TMX4: variants seen among roughly 807,000 people sequenced by gnomAD.
TMX4 encodes the protein thioredoxin related transmembrane protein 4.
A neutral mutation model predicts 33.3 loss-of-function variants in TMX4; 23 were observed. The observed-to-expected ratio is 0.69, with a 90% CI of 0.50 to 0.98. The LOEUF (loss-of-function observed/expected upper bound fraction) is 0.98. Ranked by LOEUF, TMX4 falls within the 50% of genes least tolerant of loss-of-function variation. The probability of loss-of-function intolerance (pLI) is 0.00; values close to 1 mark genes in which losing one functional copy is unlikely to be tolerated. For missense variants in TMX4, 399 were observed against 448.9 expected (o/e 0.89, Z 1.01); for synonymous variants, 164 against 161.5 (o/e 1.02, Z -0.12).
At chr20:7,995,148 G>A (rs1193215185) in intron 5 of TMX4, among the ~76,000 whole-genome samples, 1 of 152,130 alleles carries the variant, frequency 6.6e-6, no homozygotes, top group Non-Finnish European at 1.5e-5. Context: ...ATATGAATGT[G>A]TATGAGAAAC....
chr20:8,005,634 T>C (rs1431114283), intron 2 of TMX4, among the ~76,000 whole-genome samples: 1 of 152,102 alleles, frequency 6.6e-6, no homozygotes, highest in Non-Finnish European at 1.5e-5. Context: ...CCTGAGTCTC[T>C]AGCAGGCACA....
chr20:7,988,195 C>T (rs2050638799), intron 5 of TMX4, among the ~76,000 whole-genome samples: 1 of 152,076 alleles, frequency 6.6e-6, no homozygotes, highest in African/African-American at 2.4e-5. Context: ...TGTTCAAGAC[C>T]CTGACAGCTT....
chr20:7,984,906 G>A (rs2050624022), intron 6 of TMX4, among the ~76,000 whole-genome samples: 1 of 151,964 alleles, frequency 6.6e-6, no homozygotes, highest in South Asian at 2.1e-4. Flanking sequence ...ATCCTTCAAG[G>A]AGTCTGGGCC....
chr20:7,985,595 GAT>G (rs2050627942), intron 6 of TMX4, among the ~76,000 whole-genome samples: 1 of 152,182 alleles, frequency 6.6e-6, no homozygotes, highest in South Asian at 2.1e-4. Context: ...TTTGAACACA[GAT>G]ATGTGTTTGT....
chr20:8,017,650 C>T (rs2050781717), intron 1 of TMX4, among the ~76,000 whole-genome samples: 1 of 152,168 alleles, frequency 6.6e-6, no homozygotes, highest in Non-Finnish European at 1.5e-5. Context: ...CATATGCAAA[C>T]TCAGTTTTAC....
chr20:7,995,354 TA>T (rs1336843123), intron 5 of TMX4, among the ~76,000 whole-genome samples: 1 of 152,158 alleles, frequency 6.6e-6, no homozygotes, highest in Non-Finnish European at 1.5e-5. Context: ...AGAAGGGAAA[TA>T]AAAGGTTATG....
At chr20:8,000,005 A>C in intron 3 of TMX4, 145 bp from the exon 4 acceptor site, 1 of 806,822 alleles carries the variant, frequency 1.2e-6, no homozygotes, top group Non-Finnish European at 1.9e-6. Context: ...ATAGAGATAA[A>C]TCAGAAAGAG....
intron 1 of TMX4, chr20:8,019,001 G>A (rs1449274495): frequency 4.4e-6 from 2 of 449,902 alleles, no homozygotes; most frequent in Admixed American, 2.4e-5. Context: ...GCACGTGGAT[G>A]TCACTGAATG....
intron 6 of TMX4, among the ~76,000 whole-genome samples, 194 bp from the exon 7 acceptor site, chr20:7,984,051 T>TA (rs1463680906): frequency 6.6e-6 from 1 of 152,322 alleles, no homozygotes; most frequent in East Asian, 1.9e-4. Context: ...AGGAAAATAT[T>TA]AATTTAGAAA....
chr20:8,014,265 CCACAGAA>C (rs1456215658), intron 1 of TMX4, among the ~76,000 whole-genome samples: 6 of 152,154 alleles, frequency 3.9e-5, no homozygotes, highest in Non-Finnish European at 7.3e-5. Flanking sequence ...ATGACTTGCA[CCACAGAA>C]CAGAACCTGG....
chr20:7,987,977 T>C (rs2050637938), intron 5 of TMX4, among the ~76,000 whole-genome samples: 1 of 152,144 alleles, frequency 6.6e-6, no homozygotes, highest in African/African-American at 2.4e-5. Flanking sequence ...TTGAATAGAG[T>C]GTATATCCCT....
At chr20:7,993,392 T>G (rs1031817428) in intron 5 of TMX4, among the ~76,000 whole-genome samples, 1 of 152,152 alleles carries the variant, frequency 6.6e-6, no homozygotes, top group African/African-American at 2.4e-5. Flanking sequence ...CAATTATACA[T>G]TCAACATGGA....
chr20:7,982,043 C>A lies in TMX4; in HGVS notation c.*208G>T, dbSNP rs1412113326. 1.8e-6 allele frequency: 1 copy of A among 568,868 alleles called. No individual in the cohort carries two copies. Among genetic ancestry groups the A allele is most frequent in the Non-Finnish European group, 3.1e-6 (1 of 325,174 alleles). The allele number at this position is 568,868 out of a possible 1,614,324, so 35.2% of individuals were successfully genotyped here. On this transcript the variant is annotated 3_prime_UTR_variant, in exon 8 of 8. Transcript: ENST00000246024. ...AGTCTCCAAACAGATCCCAACACTACGTTTGTTTTTCTATATCCTGATTGT... is the reference window on the plus strand; with the variant it reads ...AGTCTCCAAACAGATCCCAACACTAAGTTTGTTTTTCTATATCCTGATTGT...
intron 5 of TMX4, among the ~76,000 whole-genome samples, chr20:7,993,066 A>G (rs2050661801): frequency 6.6e-6 from 1 of 152,170 alleles, no homozygotes; most frequent in African/African-American, 2.4e-5. Context: ...CTAACCAGCT[A>G]CCCATCCAGG....
intron 6 of TMX4, 22 bp from the exon 7 acceptor site, chr20:7,983,879 T>A (rs913360473): frequency 1.3e-6 from 2 of 1,595,042 alleles, no homozygotes; most frequent in African/African-American, 2.7e-5. Context: ...AAAGTGATTT[T>A]ACAGTGAATA....
chr20:8,009,608 A>T (rs2050744000), intron 2 of TMX4, among the ~76,000 whole-genome samples: 1 of 152,086 alleles, frequency 6.6e-6, no homozygotes, highest in Non-Finnish European at 1.5e-5. Flanking sequence ...TCTTAGAAGT[A>T]CTCTTGCCAT....
rs2050594779 is a variant in TMX4, at chr20:7,979,330, A to T, written c.*2921T>A. 6.6e-6 allele frequency: 1 copy of T among 152,224 alleles called. No homozygotes were observed. 9.4% of individuals were successfully genotyped at this position (152,224 alleles called of 1,614,324 possible). ...ACCCATCTTTGCCATGATGTTAAAA[A>T]AGGGAAAATCAGGAAAAATGGTTCC... On this transcript the variant is annotated 3_prime_UTR_variant, in exon 8 of 8. Transcript: ENST00000246024.
intron 2 of TMX4, among the ~76,000 whole-genome samples, chr20:8,003,277 T>C (rs1341303845): frequency 6.6e-6 from 1 of 152,194 alleles, no homozygotes; most frequent in Non-Finnish European, 1.5e-5. Flanking sequence ...TAAGAATGTA[T>C]ATTTCATTTG....
rs1030050485 is a variant in TMX4, at chr20:7,977,417, G to A, written c.*4834C>T. On this transcript the variant is annotated 3_prime_UTR_variant, in exon 8 of 8. Transcript: ENST00000246024. ...TTTGCTGCCTAGGCAAATGGCTTTT[G>A]TGAAAACACTTGTATGAAAAGCAAT... is the stretch of plus-strand genomic sequence containing the variant. The A allele has an allele frequency of 6.6e-6, 1 of 152,192 alleles. No individual in the cohort carries two copies. Among genetic ancestry groups the A allele is most frequent in the Non-Finnish European group, 1.5e-5 (1 of 68,038 alleles). The allele number at this position is 152,192 out of a possible 1,614,324, so 9.4% of individuals were successfully genotyped here. A position where few individuals can be genotyped will look rare whatever the true frequency, so the allele number is the denominator to read the frequency against.
Sources: allele counts gnomAD v4.1 joint callset (sites outside exome capture counted in the v4.1 genomes callset), GRCh38; gene constraint gnomAD v4.1.1; transcripts MANE v1.5; gene names NCBI Gene and HGNC (gene_info 2026-07-23, HGNC 2026-07-21).